The following TMEM182 variants were observed in gnomAD, a reference collection of about 807,000 sequenced individuals.
TMEM182 encodes transmembrane protein 182.
A neutral mutation model predicts 26.8 loss-of-function variants in TMEM182; 20 were observed. That is an observed-to-expected ratio of 0.75 (90% confidence interval 0.53 to 1.09). The LOEUF (loss-of-function observed/expected upper bound fraction) is 1.09. Ranked by LOEUF, TMEM182 falls within the 50% of genes least tolerant of loss-of-function variation. TMEM182 has a pLI of 0.00. For synonymous variants in TMEM182, 109 were observed against 102.2 expected (o/e 1.07, Z -0.40); for missense variants, 277 against 275.5 (o/e 1.01, Z -0.04).
chr2:102,842,571 C>T (rs1335555056), intron 3 of TMEM182, among the ~76,000 whole-genome samples: 1 of 152,166 alleles, frequency 6.6e-6, no homozygotes, highest in Non-Finnish European at 1.5e-5. Context: ...CTACCATACA[C>T]TTGAATTTCG....
downstream of TMEM182, among the ~76,000 whole-genome samples, chr2:102,821,497 A>G (rs894832304): frequency 6.6e-6 from 1 of 152,270 alleles, no homozygotes; most frequent in African/African-American, 2.4e-5. Flanking sequence ...GCCTTCTGCC[A>G]TGAGTAAAAG....
At chr2:102,739,033 T>G (rs1242232051) in intron 1 of TMEM182, among the ~76,000 whole-genome samples, 1 of 152,214 alleles carries the variant, frequency 6.6e-6, no homozygotes, top group Non-Finnish European at 1.5e-5. Context: ...TAGTGAGAGA[T>G]GCACTTGCAG....
At chr2:102,760,786 T>C (rs1405065845), upstream of TMEM182, among the ~76,000 whole-genome samples, 2 of 152,114 alleles carry the variant, frequency 1.3e-5, no homozygotes, top group African/African-American at 2.4e-5. Context: ...AGCTAATTTT[T>C]TGTATTTTTA....
chr2:102,827,751 C>T (rs1350405276), intron 3 of TMEM182, among the ~76,000 whole-genome samples: 1 of 152,164 alleles, frequency 6.6e-6, no homozygotes, highest in Non-Finnish European at 1.5e-5. Flanking sequence ...CCAGAATATT[C>T]GAGAAAAACA....
At chr2:102,755,026 T>C (rs1167170699) in intron 1 of TMEM182, among the ~76,000 whole-genome samples, 1 of 152,210 alleles carries the variant, frequency 6.6e-6, no homozygotes, top group Non-Finnish European at 1.5e-5. Context: ...TTTTAACAGA[T>C]TGCTTTTTAA....
chr2:102,815,379 T>C lies in TMEM182; in HGVS notation c.*411T>C. On this transcript the variant is annotated 3_prime_UTR_variant, in exon 5 of 5. Coordinates refer to ENST00000412401, the MANE Select transcript of TMEM182 (RefSeq NM_144632.5). ...GAAGAATAATTAAGAATGGGCAAGG[T>C]TGTCAGAGAATTTATTTTGTTTCTT... 1 of 997,408 alleles carries C rather than the reference T, an allele frequency of 1.0e-6. No individual in the cohort carries two copies. Among genetic ancestry groups the C allele is most frequent in the South Asian group, 4.5e-5 (1 of 22,344 alleles). The allele number at this position is 997,408 out of a possible 1,614,324, so 61.8% of individuals were successfully genotyped here.
downstream of TMEM182, among the ~76,000 whole-genome samples, chr2:102,819,681 T>C (rs1682868614): frequency 6.6e-6 from 1 of 152,234 alleles, no homozygotes; most frequent in Non-Finnish European, 1.5e-5. Flanking sequence ...ATGTAAAGTG[T>C]ATACATGAAC....
intron 3 of TMEM182, 56 bp from the exon 4 acceptor site, chr2:102,797,807 G>A: frequency 1.3e-6 from 2 of 1,573,800 alleles, no homozygotes; most frequent in South Asian, 1.2e-5. Flanking sequence ...AATCTGCTGT[G>A]TACACAATCT....
intron 1 of TMEM182, among the ~76,000 whole-genome samples, chr2:102,744,866 A>T (rs77309671): frequency 7.7e-4 from 117 of 152,160 alleles, no homozygotes; most frequent in Non-Finnish European, 1.5e-3. Context: ...TGAATATGAG[A>T]TGCTTACATG....
intron 3 of TMEM182, among the ~76,000 whole-genome samples, chr2:102,823,962 C>A (rs1295123364): frequency 1.3e-5 from 2 of 152,120 alleles, no homozygotes; most frequent in African/African-American, 4.8e-5. Context: ...TGAAGTTATC[C>A]ATTTTTGAGC....
intron 4 of TMEM182, among the ~76,000 whole-genome samples, chr2:102,798,846 A>C (rs1051303308): frequency 6.6e-6 from 1 of 152,192 alleles, no homozygotes; most frequent in Non-Finnish European, 1.5e-5. Context: ...TCTAAAAAAA[A>C]AAAATAATTA....
At chr2:102,775,053 C>T (rs1209962182) in intron 3 of TMEM182, 1 of 152,108 alleles carries the variant, frequency 6.6e-6, no homozygotes, top group African/African-American at 2.4e-5. Flanking sequence ...ATATTAAACC[C>T]ACCTGGGGAG....
At chr2:102,806,537 G>A (rs564533601) in intron 4 of TMEM182, among the ~76,000 whole-genome samples, 3 of 152,146 alleles carry the variant, frequency 2.0e-5, no homozygotes, top group African/African-American at 4.8e-5. Context: ...ACACCACAGC[G>A]AGTTTATTCT....
At chr2:102,767,778 A>C (rs115257654) in intron 3 of TMEM182, among the ~76,000 whole-genome samples, 32 of 152,370 alleles carry the variant, frequency 2.1e-4, no homozygotes, top group Non-Finnish European at 4.1e-4. Context: ...AAATGTTTAG[A>C]AACTCAATTG....
chr2:102,770,349 C>T (rs1227488753), intron 3 of TMEM182, among the ~76,000 whole-genome samples: 4 of 152,176 alleles, frequency 2.6e-5, no homozygotes, highest in Admixed American at 1.3e-4. Context: ...CAGCTACAGA[C>T]ACCCATTAAA....
intron 1 of TMEM182, among the ~76,000 whole-genome samples, chr2:102,737,213 G>GATAC (rs914509240): frequency 6.6e-6 from 1 of 152,148 alleles, no homozygotes; most frequent in African/African-American, 2.4e-5. Flanking sequence ...ACAGACCTAG[G>GATAC]ATACGTTAAC....
chr2:102,762,122 CTT>C lies in TMEM182; in HGVS notation c.-81_-80del, dbSNP rs5833037. 79,555 of 714,504 alleles carry C rather than the reference CTT, an allele frequency of 0.11. 26 individuals are homozygous for C. The highest frequency in any genetic ancestry group is 0.13 in the South Asian group (6,207 of 49,018). The allele number at this position is 714,504 out of a possible 1,614,324, so 44.3% of individuals were successfully genotyped here. A position where few individuals can be genotyped will look rare whatever the true frequency, so the allele number is the denominator to read the frequency against. On this transcript the variant is annotated 5_prime_UTR_variant, in exon 1 of 5. Transcript: ENST00000412401. ...ATTCTGCCAACTCAAAAATATTATT[CTT>C]TTTTTTTTTTTTTTGCTGTTGTTTC...
chr2:102,772,682 C>T (rs538088906), intron 3 of TMEM182, among the ~76,000 whole-genome samples: 30 of 152,258 alleles, frequency 2.0e-4, no homozygotes, highest in South Asian at 1.2e-3. Context: ...TAAGAACACT[C>T]GGGCAGGCTT....
Position 102,816,577 on chromosome 2 carries a change from G to A in TMEM182, c.*1609G>A. 1.0e-6 allele frequency: 1 copy of A among 984,498 alleles called. No individual in the cohort carries two copies. The highest frequency in any genetic ancestry group is 1.2e-6 in the Non-Finnish European group (1 of 829,622). 61.0% of individuals were successfully genotyped at this position (984,498 alleles called of 1,614,324 possible). ...TCCAGAGGCCTAACTGGTTTCTCAA[G>A]TCATTTCAGTGATATCATTGAAACG... is the stretch of plus-strand genomic sequence containing the variant. On this transcript the variant is annotated 3_prime_UTR_variant, in exon 5 of 5. Transcript: ENST00000412401.
Sources: gnomAD v4.1 joint callset for allele counts (sites outside exome capture counted in the v4.1 genomes callset) on GRCh38, gnomAD v4.1.1 for gene constraint, MANE v1.5 for transcripts, NCBI Gene and HGNC (gene_info 2026-07-23, HGNC 2026-07-21) for gene names.